Variants in CAMK1D observed in about 807,000 individuals in gnomAD.
The protein encoded by CAMK1D is calcium/calmodulin-dependent protein kinase type 1D.
In CAMK1D, 9 loss-of-function variants were observed where a neutral mutation model predicts 47.7. The ratio of observed to expected loss-of-function variants is 0.19; its 90% CI spans 0.11 to 0.33. The LOEUF (loss-of-function observed/expected upper bound fraction) is 0.33, where lower values mean the gene tolerates loss of function less well. Among genes scored for constraint, CAMK1D ranks in the 10% least tolerant of loss-of-function variants. The pLI is 1.00. For missense variants in CAMK1D, 291 were observed against 488.7 expected, an observed-to-expected ratio of 0.60 and a Z score of 3.81; for synonymous variants, 184 against 184.9, an observed-to-expected ratio of 0.99 and a Z score of 0.04.
At chr10:12,739,845 C>T (rs536433871) in intron 3 of CAMK1D, among the ~76,000 whole-genome samples, 2 of 152,254 alleles carry the variant, frequency 1.3e-5, no homozygotes, top group South Asian at 2.1e-4. Context: ...AATCATTTTT[C>T]CTTCCTGTAA....
intron 1 of CAMK1D, among the ~76,000 whole-genome samples, chr10:12,430,217 C>T (rs924355869): frequency 8.5e-5 from 13 of 152,162 alleles, no homozygotes; most frequent in Admixed American, 3.9e-4. Flanking sequence ...TGGGACCAAG[C>T]CCCTGTTGAC....
chr10:12,447,036 G>A (rs7092431), intron 1 of CAMK1D, among the ~76,000 whole-genome samples: 50 of 152,310 alleles, frequency 3.3e-4, no homozygotes, highest in African/African-American at 9.1e-4. Context: ...TTAAGACAAC[G>A]TCTCCTTTTC....
intron 1 of CAMK1D, among the ~76,000 whole-genome samples, chr10:12,370,118 A>T (rs1018964178): frequency 6.6e-6 from 1 of 152,142 alleles, no homozygotes; most frequent in Non-Finnish European, 1.5e-5. Flanking sequence ...TCAGTGATAC[A>T]TGGACTGCAT....
At chr10:12,412,483 C>T (rs1326537123) in intron 1 of CAMK1D, among the ~76,000 whole-genome samples, 10 of 146,414 alleles carry the variant, frequency 6.8e-5, no homozygotes, top group African/African-American at 1.5e-4. Context: ...ATTAGCCAGG[C>T]GTGGCGGCAC....
chr10:12,625,477 G>A lies in CAMK1D; in HGVS notation c.225-41259G>A, dbSNP rs528434721. On this transcript the variant is annotated intron_variant, in intron 2 of 10. Transcript: ENST00000619168. ...AGCCTCCTGAGTAGCTAGGACTACA[G>A]GCATGCACCACCACGCCTGATTGAT... is the stretch of plus-strand genomic sequence containing the variant. 1.0e-4 allele frequency among the ~76,000 whole-genome samples: 15 copies of A among 149,824 alleles called. No individual in the cohort carries two copies. In the East Asian group the frequency reaches 3.1e-3, roughly 31 times the overall value.
intron 2 of CAMK1D, among the ~76,000 whole-genome samples, chr10:12,646,132 A>G (rs958003561): frequency 2.6e-5 from 4 of 152,182 alleles, no homozygotes; most frequent in African/African-American, 9.6e-5. Flanking sequence ...AGTCCTTGGT[A>G]TAGGAGGTGA....
At chr10:12,808,876 G>T (rs946455717) in intron 6 of CAMK1D, among the ~76,000 whole-genome samples, 2 of 151,664 alleles carry the variant, frequency 1.3e-5, no homozygotes, top group Non-Finnish European at 2.9e-5. Context: ...CAGCACTTTG[G>T]GAGCTTTAGG....
chr10:12,392,017 A>AC (rs34312096), intron 1 of CAMK1D, among the ~76,000 whole-genome samples: 126 of 147,312 alleles, frequency 8.6e-4, no homozygotes, highest in African/African-American at 2.3e-3. Flanking sequence ...ACACACACAC[A>AC]AACAGTCTGG....
intron 2 of CAMK1D, among the ~76,000 whole-genome samples, chr10:12,571,784 C>G (rs1348383876): frequency 6.6e-6 from 1 of 152,068 alleles, no homozygotes; most frequent in Non-Finnish European, 1.5e-5. Flanking sequence ...GTTTCTAGTG[C>G]CTGGCAAAGT....
chr10:12,528,581 G>A (rs962612835), intron 1 of CAMK1D, among the ~76,000 whole-genome samples: 11 of 152,184 alleles, frequency 7.2e-5, no homozygotes, highest in African/African-American at 2.4e-4. Context: ...GCTTAGAGCT[G>A]GAAGAGACTC....
At chr10:12,477,749 G>A (rs1051369513) in intron 1 of CAMK1D, among the ~76,000 whole-genome samples, 1 of 152,176 alleles carries the variant, frequency 6.6e-6, no homozygotes, top group Non-Finnish European at 1.5e-5. Flanking sequence ...GCTGAAGGCG[G>A]AGGGAGTGCT....
chr10:12,588,619 C>T (rs1286090831), intron 2 of CAMK1D, among the ~76,000 whole-genome samples: 1 of 152,078 alleles, frequency 6.6e-6, no homozygotes, highest in African/African-American at 2.4e-5. Flanking sequence ...TGCACCTGCT[C>T]AACGCTCTCC....
rs950084716 is a variant in CAMK1D at position 12,424,768 on chromosome 10, C to A, written c.92+74858C>A. ...CGGCTGCAGTGAGCCATAATTGCAC[C>A]ATTGCACTCCAGCCTGGGCAACAGA... On this transcript the variant is annotated intron_variant, in intron 1 of 10. Coordinates refer to ENST00000619168, the MANE Select transcript of CAMK1D (RefSeq NM_153498.4). Among the ~76,000 whole-genome samples, 3 of 152,102 alleles carry A rather than the reference C, an allele frequency of 2.0e-5. No individual in the cohort carries two copies. The East Asian group carries it at 5.8e-4, about 29-fold the overall frequency.
intron 1 of CAMK1D, among the ~76,000 whole-genome samples, chr10:12,479,392 C>T (rs1833997352): frequency 6.6e-6 from 1 of 152,098 alleles, no homozygotes; most frequent in Non-Finnish European, 1.5e-5. Flanking sequence ...GATGGGGTTT[C>T]ACCATGTTGG....
intron 1 of CAMK1D, among the ~76,000 whole-genome samples, chr10:12,499,967 T>C (rs1440231761): frequency 6.6e-6 from 1 of 152,144 alleles, no homozygotes; most frequent in Non-Finnish European, 1.5e-5. Flanking sequence ...CTGTGGAGTA[T>C]AGAAGAAAGC....
At chr10:12,797,593 C>T (rs1300255182) in intron 6 of CAMK1D, among the ~76,000 whole-genome samples, 1 of 152,114 alleles carries the variant, frequency 6.6e-6, no homozygotes, top group Non-Finnish European at 1.5e-5. Context: ...ATCACTCCAG[C>T]ATCGTAGTTT....
At chr10:12,537,362 G>A (rs76225442) in intron 1 of CAMK1D, among the ~76,000 whole-genome samples, 6,171 of 152,258 alleles carry the variant, frequency 0.041, 204 homozygotes, top group Admixed American at 0.11. Context: ...GTGAACCACC[G>A]CACCCAGCCT....
At chr10:12,563,189 T>G (rs115181388) in intron 2 of CAMK1D, among the ~76,000 whole-genome samples, 97 of 152,250 alleles carry the variant, frequency 6.4e-4, no homozygotes, top group Middle Eastern at 3.4e-3. Flanking sequence ...ATGGATGTCT[T>G]AGCTCCAGGA....
chr10:12,515,493 G>A (rs1373436785), intron 1 of CAMK1D, among the ~76,000 whole-genome samples: 4 of 121,552 alleles, frequency 3.3e-5, no homozygotes, highest in Non-Finnish European at 4.9e-5. Flanking sequence ...ATGTATACAT[G>A]TGCCATGCTG....
Sources: gnomAD v4.1 joint callset for allele counts (sites outside exome capture counted in the v4.1 genomes callset) on GRCh38, gnomAD v4.1.1 for gene constraint, MANE v1.5 for transcripts, NCBI Gene and HGNC (gene_info 2026-07-23, HGNC 2026-07-21) for gene names.